LEPR: variants seen among roughly 807,000 people sequenced by gnomAD.
LEPR encodes OB receptor.
LEPR carries 56 observed loss-of-function variants against 114.7 expected under a neutral mutation model. The ratio of observed to expected loss-of-function variants is 0.49; its 90% confidence interval spans 0.39 to 0.61. The LOEUF (loss-of-function observed/expected upper bound fraction) is 0.61, where lower values mean the gene tolerates loss of function less well. Ranked by LOEUF, LEPR falls within the 20% of genes least tolerant of loss-of-function variation. The probability of loss-of-function intolerance (pLI) is 0.00; values close to 1 mark genes in which losing one functional copy is unlikely to be tolerated. For missense variants in LEPR, 1,202 were observed against 1,352.9 expected (o/e 0.89, Z 1.75); for synonymous variants, 443 against 461.4 (o/e 0.96, Z 0.51).
At chr1:65,582,014 A>C (rs555435857) in intron 5 of LEPR, among the ~76,000 whole-genome samples, 24 of 152,236 alleles carry the variant, frequency 1.6e-4, no homozygotes, top group Non-Finnish European at 2.8e-4. Flanking sequence ...GTTCGAGGCA[A>C]TTTAGGTTTT....
At chr1:65,487,382 A>G (rs1647546099) in intron 2 of LEPR, among the ~76,000 whole-genome samples, 1 of 152,076 alleles carries the variant, frequency 6.6e-6, no homozygotes. Flanking sequence ...TGGAAAGAAC[A>G]TTTTGCCTAC....
intron 2 of LEPR, among the ~76,000 whole-genome samples, chr1:65,455,112 A>C (rs11585252): frequency 6.6e-6 from 1 of 151,944 alleles, no homozygotes; most frequent in African/African-American, 2.4e-5. Context: ...CGTAGTTCTC[A>C]AGCCTTGGTT....
intron 2 of LEPR, among the ~76,000 whole-genome samples, chr1:65,497,946 A>G (rs1443519226): frequency 1.3e-5 from 2 of 152,188 alleles, no homozygotes; most frequent in Non-Finnish European, 2.9e-5. Context: ...TGAATAAATG[A>G]ATGGGGCAAT....
At chr1:65,573,025 C>T (rs545568265) in intron 5 of LEPR, among the ~76,000 whole-genome samples, 2 of 152,324 alleles carry the variant, frequency 1.3e-5, no homozygotes, top group South Asian at 4.1e-4. Flanking sequence ...GAGCCATGCC[C>T]TGGCTCCCCT....
At chr1:65,528,194 T>C (rs1405992231) in intron 2 of LEPR, among the ~76,000 whole-genome samples, 5 of 151,516 alleles carry the variant, frequency 3.3e-5, no homozygotes, top group South Asian at 2.1e-4. Flanking sequence ...TTGGCAGATA[T>C]TGTACTGCAT....
intron 1 of LEPR, among the ~76,000 whole-genome samples, chr1:65,423,966 T>G (rs1342652782): frequency 6.6e-6 from 1 of 152,196 alleles, no homozygotes; most frequent in East Asian, 1.9e-4. Flanking sequence ...ATTATCTCAT[T>G]TAATTCCCAT....
chr1:65,567,254 T>C (rs914319583), intron 3 of LEPR, among the ~76,000 whole-genome samples: 1 of 152,238 alleles, frequency 6.6e-6, no homozygotes, highest in African/African-American at 2.4e-5. Context: ...TTTTTAAAGT[T>C]CATCATTACA....
chr1:65,421,394 C>G, intron 1 of LEPR: 1 of 1,536,022 alleles, frequency 6.5e-7, no homozygotes, highest in Non-Finnish European at 8.7e-7. Context: ...CACCGCGTCC[C>G]TTATCTGTAT....
chr1:65,509,933 T>C (rs1474254426), intron 2 of LEPR, among the ~76,000 whole-genome samples: 1 of 152,212 alleles, frequency 6.6e-6, no homozygotes, highest in African/African-American at 2.4e-5. Context: ...GTCGTCCACA[T>C]GGCATGGAAT....
chr1:65,482,599 T>C (rs1370476862), intron 2 of LEPR, among the ~76,000 whole-genome samples: 2 of 152,074 alleles, frequency 1.3e-5, no homozygotes, highest in Non-Finnish European at 2.9e-5. Context: ...TTGGTCAACA[T>C]ATGGGGTTGA....
At chr1:65,491,719 A>C (rs1647881395) in intron 2 of LEPR, among the ~76,000 whole-genome samples, 1 of 152,110 alleles carries the variant, frequency 6.6e-6, no homozygotes, top group African/African-American at 2.4e-5. Context: ...TTATTTTACC[A>C]ACCATCAGGG....
intron 5 of LEPR, chr1:65,576,829 G>T: frequency 3.6e-6 from 1 of 276,738 alleles, no homozygotes. Flanking sequence ...GTAGAGCAAG[G>T]CATGATGAAG....
chr1:65,538,386 A>C (rs1650928002), intron 2 of LEPR, among the ~76,000 whole-genome samples: 1 of 151,990 alleles, frequency 6.6e-6, no homozygotes, highest in South Asian at 2.1e-4. Context: ...TGGACTAGTC[A>C]TTTGAAAGTT....
chr1:65,433,147 T>A, intron 2 of LEPR: 2 of 985,444 alleles, frequency 2.0e-6, no homozygotes, highest in Non-Finnish European at 2.4e-6. Flanking sequence ...CTGGCACTTC[T>A]CCCCAGCTCC....
chr1:65,567,036 C>T (rs966459465), intron 3 of LEPR, among the ~76,000 whole-genome samples: 3 of 152,090 alleles, frequency 2.0e-5, no homozygotes, highest in African/African-American at 4.8e-5. Flanking sequence ...TTTACATTGA[C>T]TTTCTGGAAG....
chr1:65,433,069 C>T (rs1570438879), intron 2 of LEPR: 4 of 985,240 alleles, frequency 4.1e-6, no homozygotes, highest in African/African-American at 1.7e-5. Context: ...AGGCTGGGCT[C>T]GAGCCAGCCC....
rs780356746 is a variant in LEPR, at chr1:65,619,911, C to T, written c.2396-17C>T. On this transcript the variant is annotated splice_polypyrimidine_tract_variant and intron_variant, in intron 16 of 19. Transcript: ENST00000349533. ...TAATTTTGTATAAATGAGCCTTTTACGTATTTTTCTCCTCAGATCATTTTA... is the reference window on the plus strand; with the variant it reads ...TAATTTTGTATAAATGAGCCTTTTATGTATTTTTCTCCTCAGATCATTTTA... The T allele has an allele frequency of 2.2e-5, 35 of 1,585,118 alleles. No homozygotes were observed. The highest frequency in any genetic ancestry group is 1.0e-4 in the South Asian group (9 of 90,376).
intron 2 of LEPR, chr1:65,526,041 G>A (rs1019783983): frequency 2.2e-6 from 2 of 912,740 alleles, no homozygotes; most frequent in Non-Finnish European, 2.6e-6. Context: ...GCTCCCGTGG[G>A]GCGAGGAAGA....
chr1:65,587,890 A>G (rs1000812621), intron 5 of LEPR, among the ~76,000 whole-genome samples: 2 of 152,048 alleles, frequency 1.3e-5, no homozygotes, highest in Admixed American at 6.6e-5. Context: ...CTAGTTTATT[A>G]TAGCTTCTAA....
Sources: allele counts gnomAD v4.1 joint callset (sites outside exome capture counted in the v4.1 genomes callset), GRCh38; gene constraint gnomAD v4.1.1; transcripts MANE v1.5; gene names NCBI Gene and HGNC (gene_info 2026-07-23, HGNC 2026-07-21).